The following SPEG variants were observed in gnomAD, a reference collection of about 807,000 sequenced individuals.
SPEG encodes striated muscle enriched protein kinase.
Under a neutral mutation model 300.4 loss-of-function variants are expected in SPEG, and 114 were observed. The observed-to-expected ratio is 0.38, with a 90% CI of 0.33 to 0.44. The LOEUF (loss-of-function observed/expected upper bound fraction) is 0.44, where lower values mean the gene tolerates loss of function less well. Ranked by LOEUF, SPEG falls within the 20% of genes least tolerant of loss-of-function variation. SPEG has a pLI of 1.00. For synonymous variants in SPEG, 1,964 were observed against 2,018.9 expected (o/e 0.97, Z 0.73); for missense variants, 4,201 against 4,586.2 (o/e 0.92, Z 2.43).
intron 1 of SPEG, chr2:219,442,076 G>C (rs1688956404): frequency 1.7e-6 from 2 of 1,195,096 alleles, no homozygotes; most frequent in Non-Finnish European, 2.1e-6. Flanking sequence ...GTGAAGAAGC[G>C]TTTCCAGGTG....
chr2:219,443,277 C>A lies in SPEG; in HGVS notation c.389-1376C>A. 1 of 966,258 alleles carries A rather than the reference C, an allele frequency of 1.0e-6. No individual in the cohort carries two copies. The highest frequency in any genetic ancestry group is 1.7e-6 in the Non-Finnish European group (1 of 591,288). The allele number at this position is 966,258 out of a possible 1,614,324, so 59.9% of individuals were successfully genotyped here. The stretch of plus-strand genomic sequence containing the variant: ...TGTGGAACCCTCCCACTCACCCCCA[C>A]ACTTATCTACCACCCACCCGACCAG... On this transcript the variant is annotated intron_variant, in intron 1 of 40. Coordinates refer to ENST00000312358, the MANE Select transcript of SPEG (RefSeq NM_005876.5). This position sits in a 1 kb window ranked among gnomAD's most constrained non-coding sequence, Gnocchi z 4.6.
At chr2:219,465,912 CGTGT>C (rs1024847502) in intron 9 of SPEG, 4 of 685,146 alleles carry the variant, frequency 5.8e-6, no homozygotes, top group African/African-American at 3.7e-5. Flanking sequence ...TGTGTGCATG[CGTGT>C]GTGTGTGCGC....
intron 1 of SPEG, chr2:219,441,616 G>A (rs1388407729): frequency 4.3e-6 from 2 of 469,856 alleles, no homozygotes; most frequent in South Asian, 1.6e-5. Flanking sequence ...AGGAGGCTGC[G>A]CTGGGCTGCC....
At chr2:219,486,248 G>A (rs1693410009) in intron 31 of SPEG, among the ~76,000 whole-genome samples, 1 of 152,258 alleles carries the variant, frequency 6.6e-6, no homozygotes, top group Non-Finnish European at 1.5e-5. Flanking sequence ...TGAAAAAGGG[G>A]CATTACTCAA....
chr2:219,449,316 G>C, intron 4 of SPEG, 45 bp downstream of exon 4: 1 of 1,340,922 alleles, frequency 7.5e-7, no homozygotes, highest in Non-Finnish European at 9.6e-7. Flanking sequence ...ACCCCCGTCG[G>C]GGGGCGTTTG....
In SPEG at chr2:219,439,779, C is replaced by T. The variant is rs1267014339; in HGVS notation, c.388+4414C>T. 2.0e-5 allele frequency among the ~76,000 whole-genome samples: 3 copies of T among 152,180 alleles called. No homozygotes were observed. The highest frequency in any genetic ancestry group is 6.5e-5 in the Admixed American group (1 of 15,278). ...CTGGGCCCAGCTGTCCCGTCACTCA[C>T]GCCCGCTGCCCATTGGTTATTTTTG... On this transcript the variant is annotated intron_variant, in intron 1 of 40. Coordinates refer to ENST00000312358, the MANE Select transcript of SPEG (RefSeq NM_005876.5). This position sits in a 1 kb window ranked among gnomAD's most constrained non-coding sequence, Gnocchi z 4.5.
chr2:219,462,773 C>T (rs1222030094), intron 8 of SPEG, among the ~76,000 whole-genome samples: 1 of 152,202 alleles, frequency 6.6e-6, no homozygotes, highest in African/African-American at 2.4e-5. Flanking sequence ...AAAAAATTAG[C>T]CAGATGTGGT....
At chr2:219,487,243 G>C (rs1020215682) in intron 31 of SPEG, among the ~76,000 whole-genome samples, 4 of 152,146 alleles carry the variant, frequency 2.6e-5, no homozygotes, top group Non-Finnish European at 5.9e-5. Context: ...AAAACTGGTC[G>C]CATCCCTAGC....
intron 9 of SPEG, 123 bp from the exon 10 acceptor site, chr2:219,467,051 C>G: frequency 7.6e-7 from 1 of 1,308,826 alleles, no homozygotes; most frequent in Admixed American, 2.5e-5. Flanking sequence ...TTCCCCATCT[C>G]CAGAGAACAA....
intron 31 of SPEG, among the ~76,000 whole-genome samples, chr2:219,487,982 T>A (rs1693597699): frequency 6.6e-6 from 1 of 152,236 alleles, no homozygotes; most frequent in Non-Finnish European, 1.5e-5. Flanking sequence ...AAAGCAGTTC[T>A]GCACACAGTG....
rs1054703919 is a variant in SPEG, at chr2:219,451,666, C to T, written c.2299C>T (p.Arg767Cys). The change falls in exon 6 of 41, where the codon CGC becomes TGC. Residue 767 changes from arginine to cysteine, a missense_variant. Transcript: ENST00000312358. The surrounding 1 kb of genome is among the most constrained non-coding windows in gnomAD (Gnocchi z 6.4). ...TGGGTCAGCGCTGCGCAGCGAGGGC[C>T]GCCTCCTCCTCCGGGCTGAGGGTGA... ...KDGSALRSEG[R>C]LLLRAEGERH... is the part of the protein sequence containing the mutation. The T allele has an allele frequency of 6.9e-6, 11 of 1,587,866 alleles. No individual in the cohort carries two copies. The highest frequency in any genetic ancestry group is 3.5e-5 in the Admixed American group (2 of 57,244).
chr2:219,485,758 A>C (rs1332213598), intron 31 of SPEG, among the ~76,000 whole-genome samples: 1 of 152,224 alleles, frequency 6.6e-6, no homozygotes, highest in African/African-American at 2.4e-5. Context: ...GGGCTTAGTG[A>C]TGCTAAGGAT....
chr2:219,480,776 T>G lies in SPEG; in HGVS notation c.5369+79T>G. ...CTTTGCAGGGCTGCAGCCCACCCCC[T>G]TCTCTTCCGCACCCCCCACTCCTTC... is the stretch of plus-strand genomic sequence containing the variant. On this transcript the variant is annotated intron_variant, in intron 26 of 40. Coordinates refer to ENST00000312358, the MANE Select transcript of SPEG (RefSeq NM_005876.5). The surrounding 1 kb of genome is among the most constrained non-coding windows in gnomAD (Gnocchi z 5.3). The G allele has an allele frequency of 1.5e-6, 2 of 1,335,026 alleles. No individual in the cohort carries two copies. Among genetic ancestry groups the G allele is most frequent in the Middle Eastern group, 1.8e-4 (1 of 5,538 alleles). 82.7% of individuals were successfully genotyped at this position (1,335,026 alleles called of 1,614,324 possible). A position where few individuals can be genotyped will look rare whatever the true frequency, so the allele number is the denominator to read the frequency against.
intron 6 of SPEG, chr2:219,460,793 C>G: frequency 2.0e-6 from 2 of 986,194 alleles, no homozygotes; most frequent in Non-Finnish European, 2.4e-6. Context: ...TCCTCAGGCG[C>G]CTTCCCCTCC....
chr2:219,452,949 A>C (rs962687062), intron 6 of SPEG, among the ~76,000 whole-genome samples: 1 of 152,182 alleles, frequency 6.6e-6, no homozygotes, highest in African/African-American at 2.4e-5. Context: ...GTGCCACTGC[A>C]GGTCTTCATC....
chr2:219,443,146 C>T lies in SPEG; in HGVS notation c.389-1507C>T, dbSNP rs1290476369. 1 of 1,612,792 alleles carries T rather than the reference C, an allele frequency of 6.2e-7. No homozygotes were observed. The highest frequency in any genetic ancestry group is 1.7e-5 in the Admixed American group (1 of 60,010). The stretch of plus-strand genomic sequence containing the variant: ...CCCGCCGGGCCTTTGGCCGACTCAC[C>T]CATGGTGCGTGGACCGTGGGCGTCC... On this transcript the variant is annotated intron_variant, in intron 1 of 40. Transcript: ENST00000312358. The surrounding 1 kb of genome is among the most constrained non-coding windows in gnomAD (Gnocchi z 4.6).
In SPEG at chr2:219,483,230, G is replaced by T; in HGVS notation, c.5767G>T (p.Asp1923Tyr). 1 of 1,610,658 alleles carries T rather than the reference G, an allele frequency of 6.2e-7. No individual in the cohort carries two copies. Among genetic ancestry groups the T allele is most frequent in the Non-Finnish European group, 8.5e-7 (1 of 1,179,122 alleles). Reference sequence around the variant, plus strand: ...CAGTGGGGGGCTCTCATCCTCCTCGGATTCTGAAGAGGAAGAGCTGGAAGA... The same window carrying T: ...CAGTGGGGGGCTCTCATCCTCCTCGTATTCTGAAGAGGAAGAGCTGGAAGA... ...PPSGGLSSSS[D>Y]SEEEELEELP... Residue 1923 changes from aspartate (D) to tyrosine (Y), a missense_variant, in exon 30 of 41, where the codon GAT (aspartate) becomes TAT (tyrosine). Transcript: ENST00000312358.
chr2:219,465,928 CGTGTGCGTGCACGT>C (rs1376830430), intron 9 of SPEG: 2 of 227,548 alleles, frequency 8.8e-6, no homozygotes, highest in Non-Finnish European at 1.6e-5. Flanking sequence ...TGTGTGCGCG[CGTGTGCGTGCACGT>C]GTGCGTGCAT....
rs1692415313 is a variant in SPEG at position 219,477,071 on chromosome 2, A to G, written c.4560+89A>G. 8.2e-6 allele frequency: 10 copies of G among 1,225,046 alleles called. No homozygotes were observed. In the East Asian group the frequency reaches 2.1e-4, roughly 26 times the overall value. The allele number at this position is 1,225,046 out of a possible 1,614,324, so 75.9% of individuals were successfully genotyped here. On this transcript the variant is annotated intron_variant, in intron 19 of 40. Transcript: ENST00000312358. This position sits in a 1 kb window ranked among gnomAD's most constrained non-coding sequence, Gnocchi z 6.4. ...GTCCTGGAAGGCCTTAGGAGGGCGG[A>G]GCCCGGGCAGAGGCGTGGTTAGGAG...
Sources: allele counts gnomAD v4.1 joint callset (sites outside exome capture counted in the v4.1 genomes callset), GRCh38; gene constraint gnomAD v4.1.1; non-coding constraint Gnocchi (gnomAD v3.1); transcripts MANE v1.5; gene names NCBI Gene and HGNC (gene_info 2026-07-23, HGNC 2026-07-21).